The following MAP4K4 variants were observed in gnomAD, a reference collection of about 807,000 sequenced individuals.
MAP4K4 encodes the protein HPK/GCK-like kinase HGK.
Under a neutral mutation model 189.6 loss-of-function variants are expected in MAP4K4, and 38 were observed. The observed-to-expected ratio is 0.20, with a 90% CI of 0.15 to 0.26. The LOEUF (loss-of-function observed/expected upper bound fraction) is 0.26, where lower values mean the gene tolerates loss of function less well. MAP4K4 is among the 10% of genes least tolerant of loss of function. The pLI is 1.00. For missense variants in MAP4K4, 1,054 were observed against 1,726.9 expected (o/e 0.61, Z 6.91); for synonymous variants, 610 against 624.3 (o/e 0.98, Z 0.34).
intron 2 of MAP4K4, among the ~76,000 whole-genome samples, chr2:101,757,090 G>C (rs376716306): frequency 2.3e-4 from 35 of 152,276 alleles, no homozygotes; most frequent in African/African-American, 7.7e-4. Flanking sequence ...AACTATCTGT[G>C]TGTACCTTTG....
chr2:101,819,365 AT>A (rs1386417979), intron 3 of MAP4K4, among the ~76,000 whole-genome samples: 2 of 152,252 alleles, frequency 1.3e-5, no homozygotes, highest in African/African-American at 4.8e-5. Context: ...AGCATTAGTC[AT>A]AATTAGATTT....
chr2:101,840,010 T>A lies in MAP4K4; in HGVS notation c.949+16T>A. The A allele has an allele frequency of 6.3e-7, 1 of 1,574,960 alleles. No homozygotes were observed. The highest frequency in any genetic ancestry group is 8.6e-7 in the Non-Finnish European group (1 of 1,166,434). On this transcript the variant is annotated intron_variant, in intron 10 of 32. Transcript: ENST00000324219. ...GGCGAGAAAGGTACTAAGCCTGTTTTTGTTTTCATCCTTTAAAATTTTTAT... is the reference window on the plus strand; with the variant it reads ...GGCGAGAAAGGTACTAAGCCTGTTTATGTTTTCATCCTTTAAAATTTTTAT...
chr2:101,794,254 G>A (rs1195896938), intron 3 of MAP4K4, among the ~76,000 whole-genome samples: 2 of 152,098 alleles, frequency 1.3e-5, no homozygotes, highest in Non-Finnish European at 2.9e-5. Context: ...CTCATGTACC[G>A]TTCATTCAGT....
chr2:101,776,300 C>T (rs1373244303), intron 2 of MAP4K4, among the ~76,000 whole-genome samples: 1 of 152,128 alleles, frequency 6.6e-6, no homozygotes, highest in Admixed American at 6.5e-5. Context: ...AGAGCCATTG[C>T]TGTTCTGCAC....
rs545253563 is a variant in MAP4K4 at position 101,845,500 on chromosome 2, C to T, written c.1233+1189C>T. On this transcript the variant is annotated intron_variant, in intron 12 of 32. Coordinates refer to ENST00000324219, the Ensembl canonical transcript of MAP4K4. ...ACCTACACAGACCTAGATGGTACAGCCTACTGCGCACCTAGACTATGTGGT... is the reference window on the plus strand; with the variant it reads ...ACCTACACAGACCTAGATGGTACAGTCTACTGCGCACCTAGACTATGTGGT... Among the ~76,000 whole-genome samples, 13 of 152,282 alleles carry T rather than the reference C, an allele frequency of 8.5e-5. No individual in the cohort carries two copies. In the South Asian group the frequency reaches 2.7e-3, roughly 32 times the overall value.
At chr2:101,863,292 GAT>G (rs1485678670) in intron 16 of MAP4K4, among the ~76,000 whole-genome samples, 1 of 152,184 alleles carries the variant, frequency 6.6e-6, no homozygotes, top group African/African-American at 2.4e-5. Flanking sequence ...CTGTTCTTGA[GAT>G]ATTATAGTCT....
intron 3 of MAP4K4, among the ~76,000 whole-genome samples, chr2:101,803,574 G>A (rs2094599564): frequency 6.6e-6 from 1 of 152,026 alleles, no homozygotes; most frequent in South Asian, 2.1e-4. Flanking sequence ...CTCTTCATAG[G>A]ACTGGGGTAT....
chr2:101,837,997 C>T (rs916675431), intron 9 of MAP4K4, among the ~76,000 whole-genome samples: 6 of 152,200 alleles, frequency 3.9e-5, no homozygotes, highest in Non-Finnish European at 7.3e-5. Flanking sequence ...AAATTATGGA[C>T]GTAAAGTCCT....
At chr2:101,812,965 T>C (rs910787709) in intron 3 of MAP4K4, among the ~76,000 whole-genome samples, 30 of 152,194 alleles carry the variant, frequency 2.0e-4, no homozygotes, top group African/African-American at 6.7e-4. Context: ...CCGTCTCTAC[T>C]AAAAATACAA....
chr2:101,814,309 C>G (rs7576867), intron 3 of MAP4K4, among the ~76,000 whole-genome samples: 42,490 of 152,086 alleles, frequency 0.28, 6,684 homozygotes, highest in South Asian at 0.49. Context: ...TTCTATTTTA[C>G]CCAAGTCTGT....
rs890692657 is a variant in MAP4K4, at chr2:101,847,375, T to G, written c.1233+3064T>G. ...CTGCAAAAGAGCCTTAGGCAGGTCC[T>G]TCAGGAGGATTCCAGAAGAAGGCAT... On this transcript the variant is annotated intron_variant, in intron 12 of 32. Coordinates refer to ENST00000324219, the Ensembl canonical transcript of MAP4K4. 3.3e-5 allele frequency among the ~76,000 whole-genome samples: 5 copies of G among 152,346 alleles called. No individual in the cohort carries two copies. The East Asian group carries it at 9.6e-4, about 29-fold the overall frequency.
chr2:101,849,837 C>A (rs1229324203), intron 12 of MAP4K4, among the ~76,000 whole-genome samples: 2 of 151,728 alleles, frequency 1.3e-5, no homozygotes, highest in Non-Finnish European at 2.9e-5. Context: ...TTGAGATCAG[C>A]TTGGGAATAT....
intron 5 of MAP4K4, among the ~76,000 whole-genome samples, chr2:101,826,532 A>G (rs538702339): frequency 6.6e-5 from 10 of 152,294 alleles, no homozygotes; most frequent in African/African-American, 2.4e-4. Context: ...TAAATGTGGG[A>G]AACTAAGCTT....
intron 2 of MAP4K4, among the ~76,000 whole-genome samples, chr2:101,724,701 G>T (rs1574289984): frequency 6.6e-6 from 1 of 152,176 alleles, no homozygotes; most frequent in Non-Finnish European, 1.5e-5. Flanking sequence ...ACCTGTGGGT[G>T]ATTCGCCTTG....
chr2:101,831,541 G>A (rs1367472390), intron 6 of MAP4K4, among the ~76,000 whole-genome samples, 180 bp from the exon 7 acceptor site: 2 of 152,110 alleles, frequency 1.3e-5, no homozygotes, highest in East Asian at 3.9e-4. Flanking sequence ...AGTCTCGGTG[G>A]CTTTACTGTG....
chr2:101,838,700 C>G (rs774321075), intron 9 of MAP4K4, among the ~76,000 whole-genome samples: 1 of 152,020 alleles, frequency 6.6e-6, no homozygotes, highest in Admixed American at 6.5e-5. Flanking sequence ...GTTATAGAAC[C>G]TGACATAAAC....
At chr2:101,887,173 G>C (rs371990136) in exon 30 of MAP4K4, 2 of 1,612,298 alleles carry the variant, frequency 1.2e-6, no homozygotes, top group Non-Finnish European at 8.5e-7. Flanking sequence ...TATGGATCCT[G>C]TGCTGGATTC....
chr2:101,752,667 G>C (rs1291975342), intron 2 of MAP4K4, among the ~76,000 whole-genome samples: 2 of 152,178 alleles, frequency 1.3e-5, no homozygotes, highest in Non-Finnish European at 2.9e-5. Context: ...TTGAGGTAAT[G>C]CTATTCCCAT....
intron 9 of MAP4K4, among the ~76,000 whole-genome samples, chr2:101,836,449 G>A (rs574749297): frequency 2.0e-5 from 3 of 152,176 alleles, no homozygotes; most frequent in African/African-American, 4.8e-5. Context: ...TTAGCCGGGC[G>A]TGGTGGCACA....
Sources: allele counts gnomAD v4.1 joint callset (sites outside exome capture counted in the v4.1 genomes callset), GRCh38; gene constraint gnomAD v4.1.1; transcripts MANE v1.5; gene names NCBI Gene and HGNC (gene_info 2026-07-23, HGNC 2026-07-21).